The following ZNF26 variants were observed in gnomAD, a reference collection of about 807,000 sequenced individuals.
ZNF26 encodes epididymis luminal protein 179.
Under a neutral mutation model 54.9 loss-of-function variants are expected in ZNF26, and 32 were observed. That is an observed-to-expected ratio of 0.58 (90% CI 0.44 to 0.78). ZNF26 has a LOEUF of 0.78. Among genes scored for constraint, ZNF26 ranks in the 30% least tolerant of loss-of-function variants. The pLI is 0.00. For synonymous variants in ZNF26, 221 were observed against 209.2 expected (o/e 1.06, Z -0.49); for missense variants, 524 against 634.0 (o/e 0.83, Z 1.86).
intron 1 of ZNF26, among the ~76,000 whole-genome samples, chr12:132,999,893 C>G (rs1248223455): frequency 6.6e-6 from 1 of 151,960 alleles, no homozygotes; most frequent in Non-Finnish European, 1.5e-5. Flanking sequence ...TGGTCTCAAA[C>G]TCCTGACCTC....
In ZNF26 at chr12:133,021,345, T is replaced by A. The variant is rs1166027832; in HGVS notation, c.*9864T>A. ...TTTATATTTTTAGTAGAGACAGGTT[T>A]TCACCATGTTGGCCAGGCTGGTCTT... On this transcript the variant is annotated 3_prime_UTR_variant, in exon 4 of 4. Coordinates refer to ENST00000328654, the MANE Select transcript of ZNF26 (RefSeq NM_019591.4). 6.6e-6 allele frequency: 1 copy of A among 151,560 alleles called. No homozygotes were observed. Among genetic ancestry groups the A allele is most frequent in the Non-Finnish European group, 1.5e-5 (1 of 67,820 alleles). The allele number at this position is 151,560 out of a possible 1,614,324, so 9.4% of individuals were successfully genotyped here.
chr12:132,996,820 G>A (rs1424863220), intron 1 of ZNF26, among the ~76,000 whole-genome samples: 1 of 152,162 alleles, frequency 6.6e-6, no homozygotes, highest in Non-Finnish European at 1.5e-5. Flanking sequence ...CTGCTAATGT[G>A]CCAAAAAGCT....
intron 1 of ZNF26, chr12:133,004,954 G>A (rs1953292196): frequency 6.6e-6 from 1 of 151,948 alleles, no homozygotes; most frequent in Non-Finnish European, 1.5e-5. Context: ...TTGGTTATCA[G>A]GTGTTCTCTT....
chr12:132,992,654 A>G (rs1351275141), intron 1 of ZNF26, among the ~76,000 whole-genome samples: 1 of 152,194 alleles, frequency 6.6e-6, no homozygotes, highest in Non-Finnish European at 1.5e-5. Flanking sequence ...AATATGTTCA[A>G]CTTATAATAG....
At chr12:133,000,824 G>A (rs927913347) in intron 1 of ZNF26, among the ~76,000 whole-genome samples, 40 of 152,286 alleles carry the variant, frequency 2.6e-4, no homozygotes, top group African/African-American at 9.6e-4. Flanking sequence ...CTCCCAAAGT[G>A]CTGGGATTAC....
At chr12:132,987,977 A>G (rs1952860814) in intron 1 of ZNF26, among the ~76,000 whole-genome samples, 1 of 152,200 alleles carries the variant, frequency 6.6e-6, no homozygotes, top group Non-Finnish European at 1.5e-5. Context: ...CCACACTGCC[A>G]CACTGTCTTG....
In ZNF26 at chr12:133,009,712, A is replaced by G. The variant is rs202173729; in HGVS notation, c.257-424A>G. On this transcript the variant is annotated intron_variant, in intron 3 of 3. Coordinates refer to ENST00000328654, the MANE Select transcript of ZNF26 (RefSeq NM_019591.4). ...CTTTCCTGGCCTTTTTCTATTTCTT[A>G]AACCCTGTCAGTCAGGCTTCTTCCT... Among the ~76,000 whole-genome samples, 68 of 152,170 alleles carry G rather than the reference A, an allele frequency of 4.5e-4. No individual in the cohort carries two copies. In the East Asian group the frequency reaches 0.011, roughly 25 times the overall value.
chr12:132,991,934 G>C (rs1048632225), intron 1 of ZNF26, among the ~76,000 whole-genome samples: 18 of 151,868 alleles, frequency 1.2e-4, no homozygotes, highest in African/African-American at 3.6e-4. Flanking sequence ...GGTCATTTGA[G>C]GTCAGGAGTT....
chr12:133,009,661 C>T (rs2137258465), intron 3 of ZNF26, among the ~76,000 whole-genome samples: 1 of 152,134 alleles, frequency 6.6e-6, no homozygotes, highest in South Asian at 2.1e-4. Context: ...GTTCTGCTTT[C>T]ATTCCATTCA....
In ZNF26 at chr12:133,001,686, T is replaced by C. The variant is rs975925663; in HGVS notation, c.34-5356T>C. On this transcript the variant is annotated intron_variant, in intron 1 of 3. Coordinates refer to ENST00000328654, the MANE Select transcript of ZNF26 (RefSeq NM_019591.4). This position sits in a 1 kb window ranked among gnomAD's most constrained non-coding sequence, Gnocchi z 4.7. ...TGAGCTCAAGTGTCAAGTTCGGGAA[T>C]CTTCTGGGTGTTCCTTGGGCCCAGG... 4 of 1,289,116 alleles carry C rather than the reference T, an allele frequency of 3.1e-6. No homozygotes were observed. Among genetic ancestry groups the C allele is most frequent in the Non-Finnish European group, 4.0e-6 (4 of 988,690 alleles). 79.9% of individuals were successfully genotyped at this position (1,289,116 alleles called of 1,614,324 possible). A position where few individuals can be genotyped will look rare whatever the true frequency, so the allele number is the denominator to read the frequency against.
rs944301898 is a variant in ZNF26, at chr12:133,003,327, A to T, written c.34-3715A>T. Among the ~76,000 whole-genome samples the T allele has an allele frequency of 8.3e-5, 12 of 145,090 alleles. No individual in the cohort carries two copies. In the East Asian group the frequency reaches 1.0e-3, roughly 12 times the overall value. ...TGGAGTGCAGTGGCGCAATCTCGGC[A>T]CACTGCAAGCTCTGCCTCCTGGGTT... On this transcript the variant is annotated intron_variant, in intron 1 of 3. Coordinates refer to ENST00000328654, the MANE Select transcript of ZNF26 (RefSeq NM_019591.4).
rs1566269191 is a variant in ZNF26 at position 133,015,776 on chromosome 12, C to T, written c.*4295C>T. ...CATAGGAGTTCCCAAAGAGGAAAGTCCAGTCTGAGATCAGGCTGGAGGCCA... is the reference window on the plus strand; with the variant it reads ...CATAGGAGTTCCCAAAGAGGAAAGTTCAGTCTGAGATCAGGCTGGAGGCCA... On this transcript the variant is annotated 3_prime_UTR_variant, in exon 4 of 4. Coordinates refer to ENST00000328654, the MANE Select transcript of ZNF26 (RefSeq NM_019591.4). The T allele has an allele frequency of 6.6e-6, 1 of 152,230 alleles. No individual in the cohort carries two copies. Among genetic ancestry groups the T allele is most frequent in the Non-Finnish European group, 1.5e-5 (1 of 68,040 alleles). The allele number at this position is 152,230 out of a possible 1,614,324, so 9.4% of individuals were successfully genotyped here.
Position 133,010,635 on chromosome 12 carries a change from C to T in ZNF26, c.756C>T (p.His252=). The T allele has an allele frequency of 1.2e-6, 2 of 1,614,132 alleles. No homozygotes were observed. Among genetic ancestry groups the T allele is most frequent in the Non-Finnish European group, 8.5e-7 (1 of 1,180,038 alleles). ...RSQLIVHQEI[H]TGGKPYGCSE... ...AGCTCATTGTCCATCAGGAAATTCA[C>T]ACAGGAGGGAAACCCTATGGCTGCA... Residue 252 remains histidine, a synonymous_variant, in exon 4 of 4, where the codon CAC becomes CAT. Transcript: ENST00000328654.
At chr12:132,996,306 G>A (rs994713707) in intron 1 of ZNF26, among the ~76,000 whole-genome samples, 7 of 152,174 alleles carry the variant, frequency 4.6e-5, no homozygotes, top group Non-Finnish European at 8.8e-5. Context: ...TCTGGGCCGA[G>A]CCCTTCCTTC....
In ZNF26 at chr12:133,025,184, C is replaced by G. The variant is rs7305815; in HGVS notation, c.*13703C>G. 140,104 of 152,294 alleles carry G rather than the reference C, an allele frequency of 0.92. 64,782 individuals are homozygous for G. The highest frequency in any genetic ancestry group is 1 in the East Asian group (5,169 of 5,176). 9.4% of individuals were successfully genotyped at this position (152,294 alleles called of 1,614,324 possible). ...GGATTTCTATGGAACAGTGACTACT[C>G]TGTGCCTCCTCTTGTCCCCATTTTT... On this transcript the variant is annotated 3_prime_UTR_variant, in exon 4 of 4. Transcript: ENST00000328654.
At chr12:132,999,830 C>T (rs1054179374) in intron 1 of ZNF26, among the ~76,000 whole-genome samples, 6 of 151,622 alleles carry the variant, frequency 4.0e-5, no homozygotes, top group Non-Finnish European at 7.4e-5. Flanking sequence ...TCACCATGCC[C>T]GGTTAATTTT....
chr12:132,990,363 C>A (rs1356333896), intron 1 of ZNF26, among the ~76,000 whole-genome samples: 1 of 152,202 alleles, frequency 6.6e-6, no homozygotes, highest in African/African-American at 2.4e-5. Flanking sequence ...GGAACTGATT[C>A]AAGTATTGAA....
intron 1 of ZNF26, among the ~76,000 whole-genome samples, chr12:132,990,319 C>G (rs1034859127): frequency 9.2e-5 from 14 of 152,196 alleles, no homozygotes; most frequent in Non-Finnish European, 1.8e-4. Context: ...CTGCATCTAT[C>G]TATGCTTTTT....
Position 133,017,457 on chromosome 12 carries a change from T to C in ZNF26, c.*5976T>C, listed in dbSNP as rs1481182239. 1 of 152,198 alleles carries C rather than the reference T, an allele frequency of 6.6e-6. No individual in the cohort carries two copies. Among genetic ancestry groups the C allele is most frequent in the Non-Finnish European group, 1.5e-5 (1 of 68,058 alleles). The allele number at this position is 152,198 out of a possible 1,614,324, so 9.4% of individuals were successfully genotyped here. On this transcript the variant is annotated 3_prime_UTR_variant, in exon 4 of 4. Transcript: ENST00000328654. ...GGCACCGTCCTCCAAGATGCAGTCCTGGAATCACAGACTTTTATCTGGTAG... is the reference window on the plus strand; with the variant it reads ...GGCACCGTCCTCCAAGATGCAGTCCCGGAATCACAGACTTTTATCTGGTAG...
Sources: allele counts gnomAD v4.1 joint callset (sites outside exome capture counted in the v4.1 genomes callset), GRCh38; gene constraint gnomAD v4.1.1; non-coding constraint Gnocchi (gnomAD v3.1); transcripts MANE v1.5; gene names NCBI Gene and HGNC (gene_info 2026-07-23, HGNC 2026-07-21).